NXPE2: variants seen among roughly 807,000 people sequenced by gnomAD.
The protein encoded by NXPE2 is NXPE family member 2.
In NXPE2, 34 loss-of-function variants were observed where a neutral mutation model predicts 34.4. The observed-to-expected ratio is 0.99, with a 90% CI of 0.75 to 1.31. The LOEUF is 1.31. Ranked by LOEUF, NXPE2 falls within the 40% of genes most tolerant of loss-of-function variation. The probability of loss-of-function intolerance (pLI) is 0.00; values close to 1 mark genes in which losing one functional copy is unlikely to be tolerated. For synonymous variants in NXPE2, 235 were observed against 231.3 expected (o/e 1.02, Z -0.15); for missense variants, 649 against 672.5 (o/e 0.97, Z 0.39).
chr11:114,558,438 A>G, the NXPE2 span, among the ~76,000 whole-genome samples: 1 of 152,162 alleles, frequency 6.6e-6, no homozygotes. Context: ...AATTAAATAT[A>G]TGATGTTGGA....
chr11:114,608,780 C>T, the NXPE2 span, among the ~76,000 whole-genome samples: 154 of 150,546 alleles, frequency 1.0e-3, no homozygotes, highest in Admixed American at 2.7e-3. Flanking sequence ...TGGATAACCA[C>T]GGTTACCCTG....
the NXPE2 span, among the ~76,000 whole-genome samples, chr11:114,771,020 G>A: frequency 1.3e-5 from 2 of 151,948 alleles, no homozygotes; most frequent in African/African-American, 4.8e-5. Flanking sequence ...TATGCACCTG[G>A]CTCTGATATT....
chr11:114,520,630 C>T, the NXPE2 span, among the ~76,000 whole-genome samples: 39 of 152,264 alleles, frequency 2.6e-4, no homozygotes, highest in Admixed American at 2.5e-3. Context: ...GGATACTCAG[C>T]AGAGGGATTG....
chr11:114,783,746 G>A, the NXPE2 span, among the ~76,000 whole-genome samples: 1 of 152,148 alleles, frequency 6.6e-6, no homozygotes, highest in Non-Finnish European at 1.5e-5. Context: ...CTGTGGTGTT[G>A]TGAGGGTCTT....
At chr11:114,622,788 G>A in the NXPE2 span, among the ~76,000 whole-genome samples, 1 of 152,074 alleles carries the variant, frequency 6.6e-6, no homozygotes, top group Non-Finnish European at 1.5e-5. Flanking sequence ...CTGCTGCCTT[G>A]TGGATAATTA....
chr11:114,623,098 G>C, the NXPE2 span, among the ~76,000 whole-genome samples: 1 of 152,172 alleles, frequency 6.6e-6, no homozygotes, highest in Admixed American at 6.5e-5. Flanking sequence ...AATTAGCGTT[G>C]CCTGGCGGAT....
the NXPE2 span, among the ~76,000 whole-genome samples, chr11:114,539,744 T>C: frequency 6.6e-6 from 1 of 152,144 alleles, no homozygotes; most frequent in Admixed American, 6.5e-5. Flanking sequence ...TGAAATAAAA[T>C]ATAATTGTAA....
chr11:114,489,655 C>T, the NXPE2 span, among the ~76,000 whole-genome samples: 1 of 152,178 alleles, frequency 6.6e-6, no homozygotes, highest in Non-Finnish European at 1.5e-5. Flanking sequence ...CAAAATTCAA[C>T]AACGCTTCAT....
the NXPE2 span, among the ~76,000 whole-genome samples, chr11:114,623,095 G>T: frequency 3.3e-5 from 5 of 151,834 alleles, no homozygotes; most frequent in Non-Finnish European, 4.4e-5. Flanking sequence ...GATAATTAGC[G>T]TTGCCTGGCG....
chr11:114,486,827 G>T, the NXPE2 span, among the ~76,000 whole-genome samples: 20 of 151,932 alleles, frequency 1.3e-4, no homozygotes, highest in African/African-American at 4.4e-4. Context: ...TTTGTTTCTG[G>T]GTTCTCTATT....
At chr11:114,476,634 T>C in the NXPE2 span, among the ~76,000 whole-genome samples, 7 of 152,170 alleles carry the variant, frequency 4.6e-5, no homozygotes, top group Non-Finnish European at 8.8e-5. Context: ...CTTCACAAGG[T>C]GGCAAGAGAG....
At chr11:114,747,489 T>C in the NXPE2 span, among the ~76,000 whole-genome samples, 1 of 151,850 alleles carries the variant, frequency 6.6e-6, no homozygotes, top group Non-Finnish European at 1.5e-5. Flanking sequence ...GATCTGAGGG[T>C]ATGTAATTTA....
upstream of NXPE2, among the ~76,000 whole-genome samples, chr11:114,676,110 A>G (rs1950855498): frequency 6.6e-6 from 1 of 152,032 alleles, no homozygotes; most frequent in South Asian, 2.1e-4. Context: ...CTGAAAATGG[A>G]TTAAAGACTT....
the NXPE2 span, among the ~76,000 whole-genome samples, chr11:114,575,444 A>G: frequency 1.3e-5 from 2 of 152,110 alleles, no homozygotes; most frequent in African/African-American, 4.8e-5. Context: ...AGAAAACCCT[A>G]AAGACTTATC....
chr11:114,523,408 T>C, the NXPE2 span, among the ~76,000 whole-genome samples: 1 of 152,198 alleles, frequency 6.6e-6, no homozygotes, highest in African/African-American at 2.4e-5. Context: ...ACTTCTGTCT[T>C]TGTCTCTTAC....
chr11:114,611,912 A>G, the NXPE2 span, among the ~76,000 whole-genome samples: 1 of 151,868 alleles, frequency 6.6e-6, no homozygotes, highest in African/African-American at 2.4e-5. Flanking sequence ...TACCTGCTGG[A>G]TACTAAATTT....
chr11:114,753,160 A>G, the NXPE2 span, among the ~76,000 whole-genome samples: 4 of 152,172 alleles, frequency 2.6e-5, no homozygotes, highest in African/African-American at 4.8e-5. Context: ...TAGTCCCTGC[A>G]CTTTCAGAGG....
the NXPE2 span, among the ~76,000 whole-genome samples, chr11:114,626,956 G>A: frequency 9.2e-5 from 14 of 151,792 alleles, no homozygotes; most frequent in African/African-American, 3.1e-4. Flanking sequence ...AAGTGAGAAG[G>A]GAAGTTTAGA....
the NXPE2 span, among the ~76,000 whole-genome samples, chr11:114,571,626 T>G: frequency 3.3e-3 from 501 of 152,328 alleles, 13 homozygotes; most frequent in Non-Finnish European, 6.3e-4. Flanking sequence ...TTTTGAAAAT[T>G]ATTTGAACAG....
Sources: gnomAD v4.1 joint callset for allele counts (sites outside exome capture counted in the v4.1 genomes callset) on GRCh38, gnomAD v4.1.1 for gene constraint, MANE v1.5 for transcripts, NCBI Gene and HGNC (gene_info 2026-07-23, HGNC 2026-07-21) for gene names.